HAPLN3: variants seen among roughly 807,000 people sequenced by gnomAD.
The protein encoded by HAPLN3 is extracellular link domain containing, 1.
HAPLN3 carries 28 observed loss-of-function variants against 28.1 expected under a neutral mutation model. That is an observed-to-expected ratio of 1.00 (90% confidence interval 0.74 to 1.37). HAPLN3 has a LOEUF of 1.37. Ranked by LOEUF, HAPLN3 falls within the 40% of genes most tolerant of loss-of-function variation. The pLI is 0.00. For missense variants in HAPLN3, 513 were observed against 504.6 expected (o/e 1.02, Z -0.16); for synonymous variants, 211 against 213.1 (o/e 0.99, Z 0.09).
In HAPLN3 at chr15:88,895,234, G is replaced by A. The variant is rs1898126239; in HGVS notation, c.-48+225C>T. ...CTCACGGTGGGCACGAGGGTCCGGC[G>A]CCCGCATCCCCGCGCCGCTCCCTCC... On this transcript the variant is annotated intron_variant, in intron 1 of 4. Coordinates refer to ENST00000359595, the MANE Select transcript of HAPLN3 (RefSeq NM_178232.4). The surrounding 1 kb of genome is among the most constrained non-coding windows in gnomAD (Gnocchi z 5.5). Among the ~76,000 whole-genome samples, 1 of 152,118 alleles carries A rather than the reference G, an allele frequency of 6.6e-6. No individual in the cohort carries two copies.
chr15:88,880,555 A>C lies in HAPLN3; in HGVS notation c.493+802T>G. On this transcript the variant is annotated intron_variant, in intron 3 of 4. Coordinates refer to ENST00000359595, the MANE Select transcript of HAPLN3 (RefSeq NM_178232.4). This position sits in a 1 kb window ranked among gnomAD's most constrained non-coding sequence, Gnocchi z 6.0. ...GGCTAAAGTCAGGTCACCTTCCTCT[A>C]TCCCCGAACTGCCTCCCTAACATGT... The C allele has an allele frequency of 7.8e-7, 1 of 1,288,532 alleles. No homozygotes were observed. Among genetic ancestry groups the C allele is most frequent in the Non-Finnish European group, 1.0e-6 (1 of 988,214 alleles). 79.8% of individuals were successfully genotyped at this position (1,288,532 alleles called of 1,614,324 possible).
chr15:88,882,782 T>C (rs920917278), intron 2 of HAPLN3, among the ~76,000 whole-genome samples: 15 of 152,068 alleles, frequency 9.9e-5, no homozygotes, highest in African/African-American at 3.6e-4. Flanking sequence ...GACAGGAGGA[T>C]CGCTTCAGCC....
chr15:88,894,860 T>A (rs1898114392), intron 1 of HAPLN3, among the ~76,000 whole-genome samples: 3 of 151,312 alleles, frequency 2.0e-5, no homozygotes, highest in African/African-American at 2.4e-5. Context: ...CCACCCTCCC[T>A]ACCCTTCTGG....
In HAPLN3 at chr15:88,877,889, G is replaced by T. The variant is rs80355480; in HGVS notation, c.*81C>A. ...TGAGAAGTATAAAAACAGTTAAAAT[G>T]GCTCCAACCCACAAGGGAAAACGAA... is the stretch of plus-strand genomic sequence containing the variant. On this transcript the variant is annotated 3_prime_UTR_variant, in exon 5 of 5. Coordinates refer to ENST00000359595, the MANE Select transcript of HAPLN3 (RefSeq NM_178232.4). The surrounding 1 kb of genome is among the most constrained non-coding windows in gnomAD (Gnocchi z 5.1). The T allele has an allele frequency of 0.017, 22,369 of 1,347,842 alleles. 225 individuals are homozygous for T. Among genetic ancestry groups the T allele is most frequent in the Non-Finnish European group, 0.02 (19,556 of 987,894 alleles). 83.5% of individuals were successfully genotyped at this position (1,347,842 alleles called of 1,614,324 possible).
At chr15:88,890,494 TA>T in intron 1 of HAPLN3, among the ~76,000 whole-genome samples, 1 of 152,328 alleles carries the variant, frequency 6.6e-6, no homozygotes, top group Non-Finnish European at 1.5e-5. Context: ...ATGGAGATCA[TA>T]AAACTCACCC....
At chr15:88,890,287 T>C (rs183594574) in intron 1 of HAPLN3, among the ~76,000 whole-genome samples, 1 of 152,296 alleles carries the variant, frequency 6.6e-6, no homozygotes, top group Admixed American at 6.5e-5. Context: ...CTACCAACTC[T>C]GAAACCCCAC....
chr15:88,883,140 G>C (rs534919622), intron 2 of HAPLN3, among the ~76,000 whole-genome samples: 39 of 152,392 alleles, frequency 2.6e-4, no homozygotes, highest in African/African-American at 8.9e-4. Flanking sequence ...TAATGTAGCA[G>C]ATTGCCATAT....
At chr15:88,885,595 T>C (rs1897831345) in intron 2 of HAPLN3, among the ~76,000 whole-genome samples, 6 of 152,034 alleles carry the variant, frequency 3.9e-5, no homozygotes, top group Admixed American at 3.9e-4. Context: ...GAAGCTGGGA[T>C]TAAAGGCACC....
chr15:88,887,675 A>G (rs996250120), intron 1 of HAPLN3, among the ~76,000 whole-genome samples: 1 of 152,192 alleles, frequency 6.6e-6, no homozygotes, highest in Non-Finnish European at 1.5e-5. Context: ...TTGAAAGGTT[A>G]TGGGCAGGCT....
Position 88,881,773 on chromosome 15 carries a change from T to C in HAPLN3, c.125-48A>G, listed in dbSNP as rs1897711866. 2 of 1,560,394 alleles carry C rather than the reference T, an allele frequency of 1.3e-6. No individual in the cohort carries two copies. The highest frequency in any genetic ancestry group is 1.4e-5 in the African/African-American group (1 of 73,904). Reference sequence around the variant, plus strand: ...GATGAGACCTGCTGAAGCACATCTGTACCCCTGCAAGGGCCACCGCACACC... The same window carrying C: ...GATGAGACCTGCTGAAGCACATCTGCACCCCTGCAAGGGCCACCGCACACC... On this transcript the variant is annotated intron_variant, in intron 2 of 4. Coordinates refer to ENST00000359595, the MANE Select transcript of HAPLN3 (RefSeq NM_178232.4). The surrounding 1 kb of genome is among the most constrained non-coding windows in gnomAD (Gnocchi z 6.0).
intron 1 of HAPLN3, among the ~76,000 whole-genome samples, chr15:88,892,411 C>G (rs145009647): frequency 6.6e-6 from 1 of 150,486 alleles, no homozygotes; most frequent in Non-Finnish European, 1.5e-5. Context: ...GAGCCGAGAT[C>G]ACACCTTTGC....
rs777410316 is a variant in HAPLN3, at chr15:88,878,102, T to TGCCA, written c.947_950dup (p.Asp318GlyfsTer4). 4 of 1,614,082 alleles carry TGCCA rather than the reference T, an allele frequency of 2.5e-6. No individual in the cohort carries two copies. The South Asian group carries it at 3.3e-5, about 13-fold the overall frequency. ...CCACAGGGTAGCGGACGCTACCATCTGCCAGCCAGCCAGCGTCGCAGCGGT... is the reference window on the plus strand; with the variant it reads ...CCACAGGGTAGCGGACGCTACCATCTGCCAGCCAGCCAGCCAGCGTCGCAGCGGT... On this transcript the variant is annotated frameshift_variant, in exon 5 of 5. Coordinates refer to ENST00000359595, the MANE Select transcript of HAPLN3 (RefSeq NM_178232.4). LOFTEE classifies it low-confidence loss of function (END_TRUNC).
chr15:88,889,432 T>C (rs1897951995), intron 1 of HAPLN3, among the ~76,000 whole-genome samples: 1 of 152,156 alleles, frequency 6.6e-6, no homozygotes, highest in Non-Finnish European at 1.5e-5. Flanking sequence ...GTCTCCTGGG[T>C]TCAAGTGATT....
chr15:88,892,603 A>C (rs1300691269), intron 1 of HAPLN3, among the ~76,000 whole-genome samples: 2 of 152,120 alleles, frequency 1.3e-5, no homozygotes, highest in Admixed American at 6.5e-5. Context: ...AGTTAAACTC[A>C]TTGAGGTTGG....
intron 2 of HAPLN3, among the ~76,000 whole-genome samples, chr15:88,882,775 A>G (rs1248963422): frequency 6.6e-6 from 1 of 152,180 alleles, no homozygotes; most frequent in East Asian, 1.9e-4. Context: ...AGGCCAGGAC[A>G]GGAGGATCGC....
chr15:88,881,692 G>A lies in HAPLN3; in HGVS notation c.158C>T (p.Thr53Ile), dbSNP rs141760717. ...LLNGVKLVVETPEETLFTYQG... is the reference protein window; with the variant it reads ...LLNGVKLVVEIPEETLFTYQG... ...GTAGGTGAACAGGGTCTCCTCGGGT[G>A]TCTCCACCACCAGCTTCACTCCATT... Residue 53 changes from threonine to isoleucine, a missense_variant, in exon 3 of 5, where the codon ACA (threonine) becomes ATA (isoleucine). Thr to Ile is a moderately conservative substitution (Grantham distance 89, BLOSUM62 -1). Transcript: ENST00000359595. The surrounding 1 kb of genome is among the most constrained non-coding windows in gnomAD (Gnocchi z 6.0). The A allele has an allele frequency of 4.2e-5, 67 of 1,613,408 alleles. No homozygotes were observed. The highest frequency in any genetic ancestry group is 5.5e-5 in the Non-Finnish European group (65 of 1,179,862).
chr15:88,878,232 G>C lies in HAPLN3; in HGVS notation c.821C>G (p.Pro274Arg). 3 of 1,613,742 alleles carry C rather than the reference G, an allele frequency of 1.9e-6. No homozygotes were observed. The highest frequency in any genetic ancestry group is 2.5e-6 in the Non-Finnish European group (3 of 1,179,816). ...LKGRVYYLEH[P>R]EKLTLTEARE... is the part of the protein sequence containing the mutation. Reference sequence around the variant, plus strand: ...TGCCTCTGTCAGCGTCAGCTTCTCAGGGTGCTCCAGGTAGTACACCCGCCC... The same window carrying C: ...TGCCTCTGTCAGCGTCAGCTTCTCACGGTGCTCCAGGTAGTACACCCGCCC... The change falls in exon 5 of 5, where the codon CCT becomes CGT. Residue 274 changes from proline to arginine, a missense_variant. Pro to Arg is a moderately radical substitution (Grantham distance 103). Transcript: ENST00000359595.
chr15:88,881,817 A>G lies in HAPLN3; in HGVS notation c.125-92T>C. On this transcript the variant is annotated intron_variant, in intron 2 of 4. Coordinates refer to ENST00000359595, the MANE Select transcript of HAPLN3 (RefSeq NM_178232.4). This position sits in a 1 kb window ranked among gnomAD's most constrained non-coding sequence, Gnocchi z 6.0. ...GCACACCCTCATCCACGGCTCCTAC[A>G]GGCTCAGATTGCAAAAATGGCCACC... 4 of 1,440,142 alleles carry G rather than the reference A, an allele frequency of 2.8e-6. No homozygotes were observed. Among genetic ancestry groups the G allele is most frequent in the Non-Finnish European group, 3.7e-6 (4 of 1,075,118 alleles). 89.2% of individuals were successfully genotyped at this position (1,440,142 alleles called of 1,614,324 possible). A position where few individuals can be genotyped will look rare whatever the true frequency, so the allele number is the denominator to read the frequency against.
chr15:88,886,952 A>G (rs1448810280), intron 2 of HAPLN3, among the ~76,000 whole-genome samples: 2 of 152,236 alleles, frequency 1.3e-5, no homozygotes, highest in African/African-American at 2.4e-5. Flanking sequence ...TAGGGAAAGT[A>G]AAAAGCCTAA....
Sources: allele counts gnomAD v4.1 joint callset (sites outside exome capture counted in the v4.1 genomes callset), GRCh38; gene constraint gnomAD v4.1.1; non-coding constraint Gnocchi (gnomAD v3.1); transcripts MANE v1.5; gene names NCBI Gene and HGNC (gene_info 2026-07-23, HGNC 2026-07-21).